Variants in IGF2BP2 observed in about 807,000 individuals in gnomAD.
The protein encoded by IGF2BP2 is insulin like growth factor 2 mRNA binding protein 2, also known as insulin-like growth factor 2 mRNA-binding protein 2.
IGF2BP2 carries 17 observed loss-of-function variants against 75.8 expected under a neutral mutation model. That is an observed-to-expected ratio of 0.22 (90% CI 0.15 to 0.34). The LOEUF is 0.34. Ranked by LOEUF, IGF2BP2 falls within the 10% of genes least tolerant of loss-of-function variation. The pLI is 1.00. For synonymous variants in IGF2BP2, 288 were observed against 295.6 expected, an observed-to-expected ratio of 0.97 and a Z score of 0.26; for missense variants, 516 against 772.4, an observed-to-expected ratio of 0.67 and a Z score of 3.93.
intron 2 of IGF2BP2, among the ~76,000 whole-genome samples, chr3:185,769,657 C>T (rs748389761): frequency 1.3e-5 from 2 of 151,556 alleles, no homozygotes; most frequent in Non-Finnish European, 2.9e-5. Context: ...GGGCAACATA[C>T]CAAGATCCTA....
chr3:185,754,862 G>A (rs1412580703), intron 2 of IGF2BP2, among the ~76,000 whole-genome samples: 1 of 152,136 alleles, frequency 6.6e-6, no homozygotes, highest in Non-Finnish European at 1.5e-5. Context: ...ATCAAGATGT[G>A]GCCTGGCTGC....
At chr3:185,773,162 CA>C (rs1734103995) in intron 2 of IGF2BP2, among the ~76,000 whole-genome samples, 1 of 152,146 alleles carries the variant, frequency 6.6e-6, no homozygotes, top group Non-Finnish European at 1.5e-5. Flanking sequence ...GGTAAGCAGA[CA>C]AACCAAAAAG....
chr3:185,659,970 T>C (rs888419326), intron 10 of IGF2BP2, among the ~76,000 whole-genome samples: 7 of 152,084 alleles, frequency 4.6e-5, no homozygotes, highest in Non-Finnish European at 1.0e-4. Flanking sequence ...AATTTTGTAT[T>C]GTTAGTAGAG....
At chr3:185,722,824 C>A (rs765966257) in intron 2 of IGF2BP2, among the ~76,000 whole-genome samples, 4 of 152,088 alleles carry the variant, frequency 2.6e-5, no homozygotes, top group Non-Finnish European at 4.4e-5. Flanking sequence ...ATACACAGTA[C>A]ACATATATAT....
At chr3:185,797,297 T>A (rs1239097128) in intron 2 of IGF2BP2, among the ~76,000 whole-genome samples, 1 of 152,032 alleles carries the variant, frequency 6.6e-6, no homozygotes, top group Non-Finnish European at 1.5e-5. Context: ...CGCTCAGGAG[T>A]GTCCTATCCA....
chr3:185,784,444 C>T (rs1578290597), intron 2 of IGF2BP2, among the ~76,000 whole-genome samples: 1 of 152,208 alleles, frequency 6.6e-6, no homozygotes, highest in African/African-American at 2.4e-5. Flanking sequence ...TGGCTCATCC[C>T]ACCCGTCAAA....
chr3:185,692,833 C>A (rs1722132118), intron 4 of IGF2BP2, 71 bp from the exon 5 acceptor site: 1 of 1,371,578 alleles, frequency 7.3e-7, no homozygotes. Flanking sequence ...TGTAAACAGA[C>A]AAACTTTAGA....
intron 2 of IGF2BP2, among the ~76,000 whole-genome samples, chr3:185,790,914 T>G (rs565024285): frequency 6.6e-6 from 1 of 152,356 alleles, no homozygotes; most frequent in African/African-American, 2.4e-5. Context: ...CCACATCATG[T>G]TTTTCATTAG....
chr3:185,752,923 T>G (rs1731147358), intron 2 of IGF2BP2, among the ~76,000 whole-genome samples: 1 of 152,094 alleles, frequency 6.6e-6, no homozygotes, highest in African/African-American at 2.4e-5. Flanking sequence ...AAAAAATAAG[T>G]AAGAGGGAGA....
At chr3:185,676,961 T>C (rs2149247087) in intron 7 of IGF2BP2, among the ~76,000 whole-genome samples, 1 of 140,934 alleles carries the variant, frequency 7.1e-6, no homozygotes, top group African/African-American at 2.6e-5. Context: ...TGGAGATATA[T>C]ATACATATGG....
Position 185,686,161 on chromosome 3 carries a change from A to C in IGF2BP2, c.812+896T>G, listed in dbSNP as rs575179260. Reference sequence around the variant, plus strand: ...CACTTTGGGAGGACGAGGTGGGCAGATCATTTGAAGTCAGGAGTTCGAGAC... The same window carrying C: ...CACTTTGGGAGGACGAGGTGGGCAGCTCATTTGAAGTCAGGAGTTCGAGAC... On this transcript the variant is annotated intron_variant, in intron 7 of 15. Transcript: ENST00000382199. 5.3e-5 allele frequency among the ~76,000 whole-genome samples: 8 copies of C among 152,334 alleles called. No homozygotes were observed. The South Asian group carries it at 1.2e-3, about 24-fold the overall frequency.
chr3:185,665,233 G>GAGGAGAAGGAGAAGA (rs1197629585), intron 10 of IGF2BP2, among the ~76,000 whole-genome samples: 1 of 145,048 alleles, frequency 6.9e-6, no homozygotes, highest in Admixed American at 6.9e-5. Context: ...GGAGGAGGAG[G>GAGGAGAAGGAGAAGA]AGGAGAAGGA....
At chr3:185,734,150 C>A (rs917503567) in intron 2 of IGF2BP2, among the ~76,000 whole-genome samples, 3 of 152,216 alleles carry the variant, frequency 2.0e-5, no homozygotes, top group African/African-American at 7.2e-5. Context: ...CAGCTGCTCA[C>A]CTCTGCTCCG....
At chr3:185,721,783 T>G (rs1256826507) in intron 2 of IGF2BP2, among the ~76,000 whole-genome samples, 1 of 152,126 alleles carries the variant, frequency 6.6e-6, no homozygotes, top group Non-Finnish European at 1.5e-5. Flanking sequence ...GTGAGTTCCT[T>G]TGACATCAGG....
At chr3:185,750,984 A>G (rs779458825) in intron 2 of IGF2BP2, among the ~76,000 whole-genome samples, 2 of 152,200 alleles carry the variant, frequency 1.3e-5, no homozygotes, top group Non-Finnish European at 2.9e-5. Flanking sequence ...TGGGAGGCCA[A>G]TGTGGGCAGA....
At chr3:185,722,148 G>C (rs1726664403) in intron 2 of IGF2BP2, 3 of 418,432 alleles carry the variant, frequency 7.2e-6, no homozygotes, top group African/African-American at 6.5e-5. Context: ...TGCCCAGGCT[G>C]GTCTCAAATT....
intron 2 of IGF2BP2, among the ~76,000 whole-genome samples, chr3:185,783,457 A>T (rs759863095): frequency 6.6e-6 from 1 of 152,180 alleles, no homozygotes; most frequent in Non-Finnish European, 1.5e-5. Context: ...AGGGCAGGAC[A>T]AAGAGTTCCC....
At position 185,676,039 on chromosome 3, in the gene IGF2BP2, T is replaced by C. The variant is rs920471960; in HGVS notation, c.813-126A>G. The C allele has an allele frequency of 3.3e-5, 42 of 1,254,972 alleles. 2 individuals are homozygous for C. The South Asian group carries it at 5.9e-4, about 18-fold the overall frequency. The allele number at this position is 1,254,972 out of a possible 1,614,324, so 77.7% of individuals were successfully genotyped here. On this transcript the variant is annotated intron_variant, in intron 7 of 15. Transcript: ENST00000382199. ...TTCAGGTACCAAGTGATGATGGGAT[T>C]TGGGAGAGGTCAGGTCCCTCACCGA...
chr3:185,797,008 A>G (rs746714695), intron 2 of IGF2BP2, among the ~76,000 whole-genome samples: 9 of 152,162 alleles, frequency 5.9e-5, no homozygotes, highest in Non-Finnish European at 1.3e-4. Context: ...CAGGCCTCCC[A>G]GGAAGATCTG....
Sources: allele counts gnomAD v4.1 joint callset (sites outside exome capture counted in the v4.1 genomes callset), GRCh38; gene constraint gnomAD v4.1.1; transcripts MANE v1.5; gene names NCBI Gene and HGNC (gene_info 2026-07-23, HGNC 2026-07-21).